Variants in PIK3C2G observed in about 807,000 individuals in gnomAD.
The protein encoded by PIK3C2G is phosphatidylinositol 3-kinase C2 domain-containing subunit gamma.
PIK3C2G carries 168 observed loss-of-function variants against 181.1 expected under a neutral mutation model. The observed-to-expected ratio is 0.93, with a 90% CI of 0.82 to 1.05. The LOEUF (loss-of-function observed/expected upper bound fraction) is 1.05. Among genes scored for constraint, PIK3C2G ranks in the 50% least tolerant of loss-of-function variants. The pLI is 0.00. For missense variants in PIK3C2G, 1,869 were observed against 1,732.8 expected (o/e 1.08, Z -1.40); for synonymous variants, 573 against 592.2 (o/e 0.97, Z 0.47).
In PIK3C2G at chr12:18,647,906, G is replaced by T. The variant is rs934375928; in HGVS notation, c.4339G>T (p.Gly1447Ter). ...ATATGATGAAGTCACAGAGCTCCAA[G>T]GACATGTCTTAATGCTTATTGTGAA... is the stretch of plus-strand genomic sequence containing the variant. ...VVYDEVTELQ[G>*]HVLMLIVKSK... The change falls in exon 33 of 33, where the codon GGA (glycine) becomes TGA (stop). Residue 1447 changes from glycine (G) to a stop codon, truncating the protein, a stop_gained. Transcript: ENST00000538779. LOFTEE classifies it high-confidence loss of function. The T allele has an allele frequency of 1.3e-5, 21 of 1,586,856 alleles. No individual in the cohort carries two copies. The highest frequency in any genetic ancestry group is 1.8e-5 in the Non-Finnish European group (21 of 1,164,272).
chr12:18,547,315 C>A (rs566587450), intron 26 of PIK3C2G, among the ~76,000 whole-genome samples: 2 of 152,066 alleles, frequency 1.3e-5, no homozygotes, highest in South Asian at 2.1e-4. Flanking sequence ...GGTGGCAGTG[C>A]GGCTTCATGG....
At chr12:18,589,540 T>G (rs1357090882) in intron 29 of PIK3C2G, among the ~76,000 whole-genome samples, 1 of 151,932 alleles carries the variant, frequency 6.6e-6, no homozygotes, top group Non-Finnish European at 1.5e-5. Context: ...GTATAGTCAG[T>G]AGACATGCTA....
chr12:18,284,178 A>T (rs1949343628), intron 2 of PIK3C2G, among the ~76,000 whole-genome samples: 1 of 152,180 alleles, frequency 6.6e-6, no homozygotes, highest in Non-Finnish European at 1.5e-5. Flanking sequence ...ATTGGATAGG[A>T]TTGTGTTAAT....
chr12:18,480,363 G>C (rs1215731257), intron 18 of PIK3C2G, among the ~76,000 whole-genome samples: 1 of 152,138 alleles, frequency 6.6e-6, no homozygotes, highest in East Asian at 1.9e-4. Flanking sequence ...AAACAGGACA[G>C]TCCCTTCTCT....
intron 24 of PIK3C2G, among the ~76,000 whole-genome samples, chr12:18,513,460 T>G (rs1440534758): frequency 6.6e-6 from 1 of 151,710 alleles, no homozygotes; most frequent in African/African-American, 2.4e-5. Context: ...TTATTACTGA[T>G]CCAATCTCCT....
chr12:18,698,060 GAAC>G, the PIK3C2G span, among the ~76,000 whole-genome samples: 2 of 151,756 alleles, frequency 1.3e-5, no homozygotes, highest in African/African-American at 4.8e-5. Context: ...CTGTCCTCAT[GAAC>G]AACATGAGGA....
intron 24 of PIK3C2G, among the ~76,000 whole-genome samples, chr12:18,523,006 G>T (rs1449143371): frequency 2.0e-5 from 3 of 150,970 alleles, no homozygotes; most frequent in African/African-American, 7.3e-5. Context: ...TTTTTCTTTT[G>T]CTCGATCATG....
intron 9 of PIK3C2G, among the ~76,000 whole-genome samples, chr12:18,340,754 G>A (rs1939060412): frequency 6.6e-6 from 1 of 152,240 alleles, no homozygotes. Context: ...AATTTCCTGA[G>A]TTCTTGTGAG....
At chr12:18,665,635 A>G in the PIK3C2G span, among the ~76,000 whole-genome samples, 1 of 152,068 alleles carries the variant, frequency 6.6e-6, no homozygotes, top group African/African-American at 2.4e-5. Context: ...TGTACTGAAA[A>G]TACAAAAATT....
chr12:18,701,267 G>T, the PIK3C2G span, among the ~76,000 whole-genome samples: 2 of 152,064 alleles, frequency 1.3e-5, no homozygotes, highest in African/African-American at 2.4e-5. Context: ...TTACAGGCAT[G>T]AGCCACCGTG....
At chr12:18,572,343 T>C (rs1013868735) in intron 29 of PIK3C2G, among the ~76,000 whole-genome samples, 1 of 147,820 alleles carries the variant, frequency 6.8e-6, no homozygotes, top group Non-Finnish European at 1.5e-5. Context: ...TGTAATTATA[T>C]AAAATATATA....
rs36102724 is a variant in PIK3C2G at position 18,467,486 on chromosome 12, GTT to G, written c.2505-20952_2505-20951del. On this transcript the variant is annotated intron_variant, in intron 18 of 32. Coordinates refer to ENST00000538779, the MANE Select transcript of PIK3C2G (RefSeq NM_001288772.2). ...TTGTTTTACAAAATTTTATTTACAG[GTT>G]TTTTTTTTTTCAGACACTTTTCAAC... Among the ~76,000 whole-genome samples, 12 of 146,136 alleles carry G rather than the reference GTT, an allele frequency of 8.2e-5. No homozygotes were observed. The South Asian group carries it at 1.5e-3, about 19-fold the overall frequency.
At chr12:18,600,642 A>G (rs1383202348) in intron 30 of PIK3C2G, among the ~76,000 whole-genome samples, 1 of 152,090 alleles carries the variant, frequency 6.6e-6, no homozygotes, top group African/African-American at 2.4e-5. Context: ...CCATAGAAAG[A>G]TGAAATTATA....
At chr12:18,631,215 T>TG (rs1308055427) in intron 31 of PIK3C2G, among the ~76,000 whole-genome samples, 1 of 152,062 alleles carries the variant, frequency 6.6e-6, no homozygotes, top group Non-Finnish European at 1.5e-5. Context: ...ACAACAACAT[T>TG]GGGGGGAAGA....
At chr12:18,372,411 A>G (rs187447766) in intron 13 of PIK3C2G, 5 of 152,340 alleles carry the variant, frequency 3.3e-5, no homozygotes, top group Admixed American at 3.3e-4. Context: ...TATATAGGAG[A>G]TAAAGAATGA....
At chr12:18,587,962 G>T (rs1946878385) in intron 29 of PIK3C2G, among the ~76,000 whole-genome samples, 2 of 151,634 alleles carry the variant, frequency 1.3e-5, no homozygotes, top group South Asian at 4.2e-4. Flanking sequence ...CACACCTATA[G>T]CCAACCGTTT....
upstream of PIK3C2G, among the ~76,000 whole-genome samples, chr12:18,260,197 T>C (rs2136990019): frequency 6.6e-6 from 1 of 152,180 alleles, no homozygotes; most frequent in East Asian, 1.9e-4. Context: ...CTTTAATGTG[T>C]GGTAAGAGAT....
chr12:18,548,257 G>A (rs762683319), intron 26 of PIK3C2G, among the ~76,000 whole-genome samples: 14 of 151,986 alleles, frequency 9.2e-5, no homozygotes, highest in Admixed American at 2.6e-4. Flanking sequence ...GAGAAAGCTA[G>A]GGAAGGTAGA....
chr12:18,580,068 G>T (rs1009843203), intron 29 of PIK3C2G, among the ~76,000 whole-genome samples: 2 of 151,704 alleles, frequency 1.3e-5, no homozygotes, highest in Non-Finnish European at 2.9e-5. Flanking sequence ...ACGAGGTGGA[G>T]GTTGCAGTGA....
Sources: allele counts gnomAD v4.1 joint callset (sites outside exome capture counted in the v4.1 genomes callset), GRCh38; gene constraint gnomAD v4.1.1; transcripts MANE v1.5; gene names NCBI Gene and HGNC (gene_info 2026-07-23, HGNC 2026-07-21).